The following EPB41L5 variants were observed in gnomAD, a reference collection of about 807,000 sequenced individuals.
EPB41L5 encodes the protein erythrocyte membrane protein band 4.1 like 5, also known as band 4.1-like protein 5.
Under a neutral mutation model 106.6 loss-of-function variants are expected in EPB41L5, and 55 were observed. The ratio of observed to expected loss-of-function variants is 0.52; its 90% CI spans 0.42 to 0.65. The LOEUF (loss-of-function observed/expected upper bound fraction) is 0.65, where lower values mean the gene tolerates loss of function less well. EPB41L5 is among the 30% of genes least tolerant of loss of function. EPB41L5 has a pLI of 0.00. For synonymous variants in EPB41L5, 297 were observed against 306.7 expected, an observed-to-expected ratio of 0.97 and a Z score of 0.33; for missense variants, 871 against 882.1, an observed-to-expected ratio of 0.99 and a Z score of 0.16.
intron 16 of EPB41L5, chr2:120,106,097 G>C (rs1350523871): frequency 2.0e-6 from 2 of 984,922 alleles, no homozygotes; most frequent in African/African-American, 3.5e-5. Flanking sequence ...GGCCATTTCT[G>C]TATTTATAAT....
At chr2:120,143,857 A>G (rs1686285168) in intron 19 of EPB41L5, among the ~76,000 whole-genome samples, 1 of 152,210 alleles carries the variant, frequency 6.6e-6, no homozygotes, top group African/African-American at 2.4e-5. Context: ...TATTGACTCT[A>G]GAATCTCATT....
At chr2:120,065,597 A>C (rs1199099064) in intron 3 of EPB41L5, among the ~76,000 whole-genome samples, 1 of 150,874 alleles carries the variant, frequency 6.6e-6, no homozygotes, top group Non-Finnish European at 1.5e-5. Context: ...GCTCACTGCA[A>C]CCTCTGCCTC....
intron 16 of EPB41L5, among the ~76,000 whole-genome samples, chr2:120,122,796 T>TC (rs1206289947): frequency 1.3e-5 from 2 of 152,326 alleles, no homozygotes; most frequent in South Asian, 2.1e-4. Flanking sequence ...TATTGATTCT[T>TC]CCTATCCATG....
chr2:120,122,734 G>A (rs1685279637), intron 16 of EPB41L5, among the ~76,000 whole-genome samples: 3 of 152,146 alleles, frequency 2.0e-5, no homozygotes, highest in Admixed American at 2.0e-4. Flanking sequence ...TAGCTTGATG[G>A]GGACGGCATT....
At chr2:120,164,792 G>C (rs374574075) in intron 21 of EPB41L5, 44 bp from the exon 22 acceptor site, 6 of 1,403,466 alleles carry the variant, frequency 4.3e-6, no homozygotes, top group Non-Finnish European at 5.0e-6. Context: ...AACATCTGAT[G>C]ATAAAGGGGT....
chr2:120,157,389 A>C (rs1558911793), intron 20 of EPB41L5, among the ~76,000 whole-genome samples: 1 of 152,230 alleles, frequency 6.6e-6, no homozygotes, highest in Non-Finnish European at 1.5e-5. Flanking sequence ...CTGGAGAACC[A>C]AGAGAAAACC....
intron 1 of EPB41L5, among the ~76,000 whole-genome samples, chr2:120,016,115 G>C (rs1478184072): frequency 6.6e-6 from 1 of 152,054 alleles, no homozygotes; most frequent in African/African-American, 2.4e-5. Flanking sequence ...GAACTGTTGA[G>C]TAAGGAATAT....
At chr2:120,135,805 G>A (rs1685900236) in intron 18 of EPB41L5, among the ~76,000 whole-genome samples, 1 of 152,010 alleles carries the variant, frequency 6.6e-6, no homozygotes, top group African/African-American at 2.4e-5. Context: ...AAAGCTGAGG[G>A]ATTTCACCAG....
intron 24 of EPB41L5, among the ~76,000 whole-genome samples, chr2:120,171,417 C>T (rs1039284157): frequency 6.6e-6 from 1 of 152,202 alleles, no homozygotes; most frequent in Non-Finnish European, 1.5e-5. Context: ...TACCCTTGCC[C>T]ATTTTAGCAT....
rs189113661 is a variant in EPB41L5, at chr2:120,055,382, G to A, written c.285+13272G>A. On this transcript the variant is annotated intron_variant, in intron 3 of 24. Coordinates refer to ENST00000263713, the MANE Select transcript of EPB41L5 (RefSeq NM_020909.4). ...GGCAGTTGGAATTTTGGTAGGGATT[G>A]CACTGAATCTGTATATCAATTTGGG... 2.0e-5 allele frequency among the ~76,000 whole-genome samples: 3 copies of A among 151,858 alleles called. No individual in the cohort carries two copies. In the East Asian group the frequency reaches 5.8e-4, roughly 29 times the overall value.
In EPB41L5 at chr2:120,104,284, G is replaced by A. The variant is rs374773110; in HGVS notation, c.1337+3470G>A. 75 of 1,515,116 alleles carry A rather than the reference G, an allele frequency of 5.0e-5. No homozygotes were observed. The East Asian group carries it at 7.2e-4, about 14-fold the overall frequency. The allele number at this position is 1,515,116 out of a possible 1,614,324, so 93.9% of individuals were successfully genotyped here. A position where few individuals can be genotyped will look rare whatever the true frequency, so the allele number is the denominator to read the frequency against. On this transcript the variant is annotated intron_variant, in intron 16 of 24. Transcript: ENST00000263713. ...TTTGGGACTCTTTGTCATGCAAGTT[G>A]ATGGTATACATTATCTGGTGTTTAT...
chr2:120,105,319 G>T, intron 16 of EPB41L5: 3 of 957,808 alleles, frequency 3.1e-6, no homozygotes, highest in Non-Finnish European at 3.7e-6. Context: ...TATGTACATA[G>T]AAATTTATAG....
chr2:120,071,160 G>C (rs1389562200), intron 3 of EPB41L5, among the ~76,000 whole-genome samples: 1 of 152,162 alleles, frequency 6.6e-6, no homozygotes, highest in African/African-American at 2.4e-5. Flanking sequence ...CAAAGTCAAT[G>C]TGCAAAAATC....
intron 3 of EPB41L5, among the ~76,000 whole-genome samples, chr2:120,049,340 G>A (rs890290292): frequency 2.1e-4 from 32 of 152,282 alleles, no homozygotes; most frequent in African/African-American, 7.2e-4. Flanking sequence ...ATGTATCTGT[G>A]TTCTCCTGTA....
At chr2:120,086,029 C>A (rs1371780091) in intron 10 of EPB41L5, among the ~76,000 whole-genome samples, 1 of 152,144 alleles carries the variant, frequency 6.6e-6, no homozygotes, top group Admixed American at 6.6e-5. Flanking sequence ...AAACCTGTCT[C>A]TACTAAAAAT....
Position 120,077,018 on chromosome 2 carries a change from T to A in EPB41L5, c.553T>A (p.Ser185Thr). 6.2e-7 allele frequency: 1 copy of A among 1,612,500 alleles called. No homozygotes were observed. Among genetic ancestry groups the A allele is most frequent in the Non-Finnish European group, 8.5e-7 (1 of 1,178,868 alleles). ...TGCTGAGCATAGTCCTGAACTTGTC[T>A]CAGAGTTCAGATTCGTGCCTATTCA... is the stretch of plus-strand genomic sequence containing the variant. ...DLAEHSPELVSEFRFVPIQTE... is the reference protein window; with the variant it reads ...DLAEHSPELVTEFRFVPIQTE... Residue 185 changes from serine (S) to threonine (T), a missense_variant, in exon 8 of 25, where the codon TCA becomes ACA. Ser to Thr is a moderately conservative substitution (Grantham distance 58). Transcript: ENST00000263713.
At chr2:120,028,717 G>C (rs1288303237) in intron 2 of EPB41L5, among the ~76,000 whole-genome samples, 1 of 152,084 alleles carries the variant, frequency 6.6e-6, no homozygotes, top group Admixed American at 6.6e-5. Flanking sequence ...GGCGGGAGGG[G>C]AGTGAGGACT....
At chr2:120,095,088 AT>A (rs1183069010) in intron 14 of EPB41L5, among the ~76,000 whole-genome samples, 1 of 152,076 alleles carries the variant, frequency 6.6e-6, no homozygotes, top group Non-Finnish European at 1.5e-5. Context: ...TTCATTGTTC[AT>A]CTTTTGCCTA....
At chr2:120,109,787 T>C (rs1684636394) in intron 16 of EPB41L5, among the ~76,000 whole-genome samples, 1 of 152,242 alleles carries the variant, frequency 6.6e-6, no homozygotes, top group East Asian at 1.9e-4. Flanking sequence ...CAAAACTGTT[T>C]GCTTTGTAAG....
Sources: allele counts gnomAD v4.1 joint callset (sites outside exome capture counted in the v4.1 genomes callset), GRCh38; gene constraint gnomAD v4.1.1; transcripts MANE v1.5; gene names NCBI Gene and HGNC (gene_info 2026-07-23, HGNC 2026-07-21).